TRAK1: variants seen among roughly 807,000 people sequenced by gnomAD.
TRAK1 encodes the protein trafficking kinesin protein 1.
TRAK1 carries 33 observed loss-of-function variants against 92.1 expected under a neutral mutation model. The ratio of observed to expected loss-of-function variants is 0.36; its 90% CI spans 0.27 to 0.48. The LOEUF is 0.48. Among genes scored for constraint, TRAK1 ranks in the 20% least tolerant of loss-of-function variants. The pLI is 0.99. For missense variants in TRAK1, 1,123 were observed against 1,257.9 expected, an observed-to-expected ratio of 0.89 and a Z score of 1.62; for synonymous variants, 521 against 517.3, an observed-to-expected ratio of 1.01 and a Z score of -0.10.
chr3:42,118,735 G>A (rs982303809), intron 1 of TRAK1, among the ~76,000 whole-genome samples: 10 of 152,150 alleles, frequency 6.6e-5, no homozygotes, highest in Non-Finnish European at 1.5e-4. Context: ...CAAATCTTAC[G>A]CCTTGGGAAA....
intron 1 of TRAK1, among the ~76,000 whole-genome samples, chr3:42,068,315 T>G (rs1703768818): frequency 6.6e-6 from 1 of 152,132 alleles, no homozygotes; most frequent in African/African-American, 2.4e-5. Context: ...TGCCACCACG[T>G]CCAGCTAACT....
chr3:42,208,135 C>T (rs1708545916), intron 13 of TRAK1, among the ~76,000 whole-genome samples: 1 of 152,060 alleles, frequency 6.6e-6, no homozygotes, highest in Non-Finnish European at 1.5e-5. Context: ...ATATGTGATA[C>T]CCTCTTTCGT....
chr3:42,169,983 C>G (rs564613644), intron 2 of TRAK1, among the ~76,000 whole-genome samples: 2 of 152,176 alleles, frequency 1.3e-5, no homozygotes, highest in Non-Finnish European at 2.9e-5. Flanking sequence ...ACAGTCCGTA[C>G]GAGAAGGAAA....
At chr3:42,027,452 G>A (rs1701963170) in intron 1 of TRAK1, among the ~76,000 whole-genome samples, 1 of 152,020 alleles carries the variant, frequency 6.6e-6, no homozygotes, top group South Asian at 2.1e-4. Flanking sequence ...TAACCCGGGA[G>A]GTGGAGCTTG....
At chr3:42,054,775 C>A (rs890557082) in intron 1 of TRAK1, among the ~76,000 whole-genome samples, 1 of 151,962 alleles carries the variant, frequency 6.6e-6, no homozygotes. Context: ...AAAGTTGAAT[C>A]ATTTTCCATT....
chr3:42,197,000 TCTCACACACACA>T (rs1285745563), intron 10 of TRAK1, among the ~76,000 whole-genome samples: 70 of 131,168 alleles, frequency 5.3e-4, no homozygotes, highest in African/African-American at 1.5e-3. Flanking sequence ...TCTCTCTCTC[TCTCACACACACA>T]CACACACACA....
In TRAK1 at chr3:42,065,928, C is replaced by G. The variant is rs376136003; in HGVS notation, c.-518-21176C>G. Among the ~76,000 whole-genome samples the G allele has an allele frequency of 7.9e-5, 12 of 152,336 alleles. No individual in the cohort carries two copies. The South Asian group carries it at 1.2e-3, about 16-fold the overall frequency. Reference sequence around the variant, plus strand: ...TATAGGCTTGAGCCACCACACCTGGCTATCTCTTGAATCCTAACTCCATGT... The same window carrying G: ...TATAGGCTTGAGCCACCACACCTGGGTATCTCTTGAATCCTAACTCCATGT... On this transcript the variant is annotated intron_variant, in intron 1 of 16. Transcript: ENST00000487159.
chr3:42,156,920 G>A (rs1242339416), intron 2 of TRAK1, among the ~76,000 whole-genome samples: 13 of 152,190 alleles, frequency 8.5e-5, no homozygotes, highest in African/African-American at 1.4e-4. Flanking sequence ...TTGGGAGGCC[G>A]AGGCGAGTGG....
intron 13 of TRAK1, chr3:42,203,964 G>A (rs2149483218): frequency 2.0e-6 from 2 of 985,840 alleles, no homozygotes; most frequent in South Asian, 4.7e-5. Flanking sequence ...GGTTGTGCTT[G>A]TTAAAGACCC....
At chr3:42,132,490 C>T (rs549275004) in intron 2 of TRAK1, among the ~76,000 whole-genome samples, 4 of 152,198 alleles carry the variant, frequency 2.6e-5, no homozygotes, top group African/African-American at 9.6e-5. Flanking sequence ...GTCTCAAACT[C>T]CTTGGCTCAA....
chr3:42,179,148 C>T (rs1215445701), intron 3 of TRAK1, among the ~76,000 whole-genome samples: 1 of 152,180 alleles, frequency 6.6e-6, no homozygotes, highest in African/African-American at 2.4e-5. Flanking sequence ...TTCATGGCAA[C>T]AGCGTCTGTT....
intron 1 of TRAK1, among the ~76,000 whole-genome samples, chr3:42,096,856 C>G (rs1208392767): frequency 1.3e-5 from 2 of 152,352 alleles, no homozygotes; most frequent in East Asian, 3.9e-4. Context: ...AAGCACCATT[C>G]CTACTCACTC....
intron 9 of TRAK1, 73 bp downstream of exon 9, chr3:42,193,971 T>A: frequency 7.4e-7 from 1 of 1,356,740 alleles, no homozygotes. Flanking sequence ...CGGACAGCTT[T>A]AGTCACGTCC....
At position 42,184,879 on chromosome 3, in the gene TRAK1, G is replaced by A. The variant is rs962392222; in HGVS notation, c.480+78G>A. The A allele has an allele frequency of 5.1e-6, 7 of 1,376,112 alleles. No individual in the cohort carries two copies. In the Admixed American group the frequency reaches 1.1e-4, roughly 22 times the overall value. The allele number at this position is 1,376,112 out of a possible 1,614,324, so 85.2% of individuals were successfully genotyped here. On this transcript the variant is annotated intron_variant, in intron 4 of 15. Coordinates refer to ENST00000327628, the MANE Select transcript of TRAK1 (RefSeq NM_001042646.3). ...CTGGAGGCATGGCTGAAGGAGATGAGAGAATGGAGTCCTAGTTGGAAGGAC... is the reference window on the plus strand; with the variant it reads ...CTGGAGGCATGGCTGAAGGAGATGAAAGAATGGAGTCCTAGTTGGAAGGAC...
intron 1 of TRAK1, among the ~76,000 whole-genome samples, chr3:42,076,289 G>A (rs1449231587): frequency 2.4e-5 from 3 of 124,148 alleles, no homozygotes; most frequent in Non-Finnish European, 4.7e-5. Context: ...GCAATGGTGC[G>A]ATCTCGGCTC....
chr3:42,195,509 C>T (rs1238338701), intron 10 of TRAK1, among the ~76,000 whole-genome samples: 1 of 152,140 alleles, frequency 6.6e-6, no homozygotes, highest in Non-Finnish European at 1.5e-5. Context: ...CGTAAATGCT[C>T]GTGAGATTCT....
intron 1 of TRAK1, among the ~76,000 whole-genome samples, chr3:42,095,427 T>C (rs1705761621): frequency 6.6e-6 from 1 of 152,176 alleles, no homozygotes; most frequent in Non-Finnish European, 1.5e-5. Context: ...TTAAATGGGG[T>C]TTTAAATTAT....
chr3:42,120,396 A>G (rs1709693523), intron 1 of TRAK1, among the ~76,000 whole-genome samples: 1 of 151,790 alleles, frequency 6.6e-6, no homozygotes, highest in African/African-American at 2.4e-5. Flanking sequence ...GACCACAGAG[A>G]GCATAAAGGG....
At position 42,188,160 on chromosome 3, in the gene TRAK1, G is replaced by A. The variant is rs776241362; in HGVS notation, c.581+15G>A. 4 of 1,613,170 alleles carry A rather than the reference G, an allele frequency of 2.5e-6. No homozygotes were observed. The South Asian group carries it at 4.4e-5, about 18-fold the overall frequency. On this transcript the variant is annotated intron_variant, in intron 5 of 15. Coordinates refer to ENST00000327628, the MANE Select transcript of TRAK1 (RefSeq NM_001042646.3). ...TGCTCAACCCCGTAAGTCACCAGAGGGCTGTATTTCTGGAGGCCAGAGCAC... is the reference window on the plus strand; with the variant it reads ...TGCTCAACCCCGTAAGTCACCAGAGAGCTGTATTTCTGGAGGCCAGAGCAC...
Sources: gnomAD v4.1 joint callset for allele counts (sites outside exome capture counted in the v4.1 genomes callset) on GRCh38, gnomAD v4.1.1 for gene constraint, MANE v1.5 for transcripts, NCBI Gene and HGNC (gene_info 2026-07-23, HGNC 2026-07-21) for gene names.